Variants in BLMH observed in about 807,000 individuals in gnomAD.
BLMH encodes BLM hydrolase.
In BLMH, 32 loss-of-function variants were observed where a neutral mutation model predicts 61.6. The observed-to-expected ratio is 0.52, with a 90% CI of 0.39 to 0.70. BLMH has a LOEUF of 0.70. BLMH is among the 30% of genes least tolerant of loss of function. BLMH has a pLI of 0.00. For synonymous variants in BLMH, 183 were observed against 193.8 expected (o/e 0.94, Z 0.46); for missense variants, 460 against 555.5 (o/e 0.83, Z 1.73).
rs1310931942 is a variant in BLMH, at chr17:30,249,017, T to C, written c.1368A>G (p.Ter456TrpextTer13). Residue 456 changes from the stop codon to tryptophan (W), a stop_lost, in exon 12 of 12, where the codon TGA (stop) becomes TGG (tryptophan). Transcript: ENST00000261714. ...AWDPMGALAE[*>W] The stretch of plus-strand genomic sequence containing the variant: ...AGGAGGAAAGAGCTGGAGGGCAGTA[T>C]CACTCAGCCAAAGCTCCCATGGGGT... 1.2e-6 allele frequency: 2 copies of C among 1,613,828 alleles called. No homozygotes were observed. Among genetic ancestry groups the C allele is most frequent in the African/African-American group, 1.3e-5 (1 of 74,904 alleles).
chr17:30,273,972 T>C, intron 7 of BLMH, 70 bp downstream of exon 7: 1 of 1,565,762 alleles, frequency 6.4e-7, no homozygotes, highest in Non-Finnish European at 8.7e-7. Context: ...CCAAGAATCT[T>C]ATACAATTCC....
intron 11 of BLMH, among the ~76,000 whole-genome samples, chr17:30,266,450 G>A (rs1304697963): frequency 6.6e-6 from 1 of 150,884 alleles, no homozygotes; most frequent in Non-Finnish European, 1.5e-5. Context: ...GCGTGAACCC[G>A]GGAGGTGGAG....
intron 11 of BLMH, among the ~76,000 whole-genome samples, chr17:30,260,734 T>A (rs561925002): frequency 6.6e-6 from 1 of 151,130 alleles, no homozygotes; most frequent in East Asian, 1.9e-4. Context: ...CAAAAAAAAA[T>A]TAGCTGGGCA....
chr17:30,271,705 A>G (rs1908276096), intron 9 of BLMH, among the ~76,000 whole-genome samples: 1 of 152,252 alleles, frequency 6.6e-6, no homozygotes, highest in Non-Finnish European at 1.5e-5. Flanking sequence ...AAGCGTTTGA[A>G]GTAACTTCTT....
chr17:30,268,122 G>C (rs200506252), intron 10 of BLMH, among the ~76,000 whole-genome samples: 2 of 152,044 alleles, frequency 1.3e-5, no homozygotes, highest in African/African-American at 2.4e-5. Context: ...TGTCTGTTTT[G>C]GTTTTCTATT....
At chr17:30,281,623 A>G (rs1039480277) in intron 6 of BLMH, among the ~76,000 whole-genome samples, 1 of 152,022 alleles carries the variant, frequency 6.6e-6, no homozygotes, top group African/African-American at 2.4e-5. Context: ...TCCACATCCA[A>G]TTCATCAGCA....
In BLMH at chr17:30,286,858, T is replaced by C. The variant is rs1333888807; in HGVS notation, c.508A>G (p.Thr170Ala). Residue 170 changes from threonine (T) to alanine (A), a missense_variant, in exon 5 of 12, where the codon ACA (threonine) becomes GCA (alanine). Around this residue, in one of 5 missense-constraint regions of BLMH, gnomAD observed 310 missense variants for 371.1 expected, o/e 0.84. Transcript: ENST00000261714. ...TTCATCCTTCTGGTTGCCTCTGTTG[T>C]ATAAGATTCAGGGAAGCATTTCTTA... ...IPKKCFPESY[T>A]TEATRRMNDI... is the part of the protein sequence containing the mutation. 6.3e-7 allele frequency: 1 copy of C among 1,596,946 alleles called. No homozygotes were observed. Among genetic ancestry groups the C allele is most frequent in the Non-Finnish European group, 8.6e-7 (1 of 1,164,628 alleles).
At chr17:30,288,056 A>G (rs759653948) in intron 3 of BLMH, 109 bp from the exon 4 acceptor site, 28 of 1,160,492 alleles carry the variant, frequency 2.4e-5, no homozygotes, top group South Asian at 3.4e-5. Context: ...TCAACATAAT[A>G]GTTTTTTTTC....
chr17:30,289,529 TG>T, intron 2 of BLMH, 47 bp from the exon 3 acceptor site: 1 of 1,315,770 alleles, frequency 7.6e-7, no homozygotes, highest in Non-Finnish European at 1.1e-6. Flanking sequence ...TCACATAGAC[TG>T]CACTGCTCCA....
intron 3 of BLMH, 150 bp from the exon 4 acceptor site, chr17:30,288,097 G>C: frequency 1.2e-6 from 1 of 823,782 alleles, no homozygotes; most frequent in Non-Finnish European, 1.8e-6. Context: ...TCATGAATTT[G>C]CATGTCATCC....
intron 9 of BLMH, chr17:30,272,310 TG>T (rs2143021927): frequency 1.9e-6 from 1 of 528,316 alleles, no homozygotes; most frequent in South Asian, 3.0e-5. Flanking sequence ...TCATAGAGGA[TG>T]GCTTTTTAGG....
chr17:30,258,104 A>T (rs1323166202), intron 11 of BLMH, among the ~76,000 whole-genome samples: 1 of 152,094 alleles, frequency 6.6e-6, no homozygotes, highest in East Asian at 1.9e-4. Flanking sequence ...GGTAGCTAAG[A>T]CTATAGGTGC....
At position 30,285,390 on chromosome 17, in the gene BLMH, C is replaced by T. The variant is rs552488995; in HGVS notation, c.643G>A (p.Glu215Lys). Reference sequence around the variant, plus strand: ...AAAAATCCAAATTTTGTTATTACCTCCTCCATCATGACGTCCTGTGTGGCC... The same window carrying T: ...AAAAATCCAAATTTTGTTATTACCTTCTCCATCATGACGTCCTGTGTGGCC... ...ISATQDVMME[E>K]IFRVVCICLG... Residue 215 changes from glutamate (E) to lysine (K), a missense_variant and splice_region_variant, in exon 6 of 12, where the codon GAG becomes AAG. Glu to Lys is a moderately conservative substitution (Grantham distance 56, BLOSUM62 1). Coordinates refer to ENST00000261714, the MANE Select transcript of BLMH (RefSeq NM_000386.4). The T allele has an allele frequency of 6.2e-7, 1 of 1,606,820 alleles. No individual in the cohort carries two copies. Among genetic ancestry groups the T allele is most frequent in the African/African-American group, 1.3e-5 (1 of 74,686 alleles).
intron 5 of BLMH, 75 bp downstream of exon 5, chr17:30,286,739 C>T: frequency 9.5e-7 from 1 of 1,050,298 alleles, no homozygotes; most frequent in East Asian, 2.4e-5. Context: ...CAGAGATACC[C>T]AGGAACCCCT....
intron 6 of BLMH, among the ~76,000 whole-genome samples, chr17:30,282,221 T>TTA: frequency 8.4e-6 from 1 of 119,534 alleles, no homozygotes; most frequent in South Asian, 2.7e-4. Flanking sequence ...CAGACAAGGT[T>TTA]TTTTTTTTTT....
chr17:30,249,288 T>G, intron 11 of BLMH, 120 bp from the exon 12 acceptor site: 2 of 1,061,574 alleles, frequency 1.9e-6, no homozygotes, highest in Middle Eastern at 2.2e-4. Context: ...AGCTTTCCCA[T>G]CTGTAATTTC....
chr17:30,255,193 G>T (rs528135256), intron 11 of BLMH, among the ~76,000 whole-genome samples: 1 of 152,348 alleles, frequency 6.6e-6, no homozygotes, highest in African/African-American at 2.4e-5. Flanking sequence ...TAGTGGTTCT[G>T]TAAGGTTATA....
intron 11 of BLMH, among the ~76,000 whole-genome samples, chr17:30,251,245 CAAAA>C (rs1907659600): frequency 6.6e-6 from 1 of 152,008 alleles, no homozygotes; most frequent in Non-Finnish European, 1.5e-5. Context: ...GTTAAAAAAA[CAAAA>C]ACAAACAAAT....
intron 11 of BLMH, among the ~76,000 whole-genome samples, chr17:30,259,426 A>G (rs2143020288): frequency 6.6e-6 from 1 of 152,130 alleles, no homozygotes; most frequent in South Asian, 2.1e-4. Flanking sequence ...GACGCCCTCT[A>G]GTCCTGGGCT....
Sources: gnomAD v4.1 joint callset for allele counts (sites outside exome capture counted in the v4.1 genomes callset) on GRCh38, gnomAD v4.1.1 for gene constraint, gnomAD v4.1.1 regional missense constraint, MANE v1.5 for transcripts, NCBI Gene and HGNC (gene_info 2026-07-23, HGNC 2026-07-21) for gene names.